Variants in WDR59 observed in about 807,000 individuals in gnomAD.
The protein encoded by WDR59 is WD repeat domain 59.
WDR59 carries 100 observed loss-of-function variants against 131.2 expected under a neutral mutation model. The observed-to-expected ratio is 0.76, with a 90% confidence interval of 0.65 to 0.90. The LOEUF (loss-of-function observed/expected upper bound fraction) is 0.90, where lower values mean the gene tolerates loss of function less well. Ranked by LOEUF, WDR59 falls within the 40% of genes least tolerant of loss-of-function variation. The pLI is 0.00. For missense variants in WDR59, 1,203 were observed against 1,262.2 expected (o/e 0.95, Z 0.71); for synonymous variants, 601 against 466.2 (o/e 1.29, Z -3.72).
chr16:74,973,581 C>A (rs1242292358), intron 1 of WDR59, among the ~76,000 whole-genome samples: 1 of 152,168 alleles, frequency 6.6e-6, no homozygotes, highest in Non-Finnish European at 1.5e-5. Flanking sequence ...AGCCACCATG[C>A]TTGGCCCAAC....
chr16:74,924,063 A>G, intron 8 of WDR59, 60 bp from the exon 9 acceptor site: 2 of 1,526,286 alleles, frequency 1.3e-6, no homozygotes, highest in Non-Finnish European at 1.8e-6. Context: ...TTCTACTGAA[A>G]TAAGCACAGC....
intron 3 of WDR59, among the ~76,000 whole-genome samples, chr16:74,952,474 AAAG>A (rs1274777508): frequency 6.0e-5 from 9 of 151,238 alleles, no homozygotes; most frequent in Non-Finnish European, 8.8e-5. Flanking sequence ...AAAGAAAAGA[AAAG>A]AAGAAAGATC....
Position 74,952,027 on chromosome 16 carries a change from C to A in WDR59, c.241-484G>T, listed in dbSNP as rs78730045. Among the ~76,000 whole-genome samples, 903 of 151,508 alleles carry A rather than the reference C, an allele frequency of 6.0e-3. 5 individuals carry two copies. Among genetic ancestry groups the A allele is most frequent in the Non-Finnish European group, 0.011 (715 of 67,890 alleles). ...CTTGAGATGGGATCTACATTGCCCA[C>A]GCTTTTCTAGAACTCCTAGGCTCAA... is the stretch of plus-strand genomic sequence containing the variant. On this transcript the variant is annotated intron_variant, in intron 3 of 25. Coordinates refer to ENST00000262144, the MANE Select transcript of WDR59 (RefSeq NM_030581.4).
At position 74,875,679 on chromosome 16, in the gene WDR59, C is replaced by G. The variant is rs1027334357; in HGVS notation, c.2690-1235G>C. ...TTCTAGCTGCAATTTGCCCTTTGGC[C>G]AACCTGAATTACATGGACTCACTTT... On this transcript the variant is annotated intron_variant, in intron 25 of 25. Coordinates refer to ENST00000262144, the MANE Select transcript of WDR59 (RefSeq NM_030581.4). 7.9e-5 allele frequency among the ~76,000 whole-genome samples: 12 copies of G among 152,294 alleles called. 1 individual carries two copies. The highest frequency in any genetic ancestry group is 1.9e-4 in the East Asian group (1 of 5,176).
chr16:74,946,338 T>C (rs1478177159), intron 6 of WDR59, among the ~76,000 whole-genome samples: 1 of 152,220 alleles, frequency 6.6e-6, no homozygotes, highest in Non-Finnish European at 1.5e-5. Context: ...GGGGGATTAC[T>C]GTATTACTAT....
At chr16:74,973,291 T>C (rs892411550) in intron 1 of WDR59, among the ~76,000 whole-genome samples, 1 of 143,486 alleles carries the variant, frequency 7.0e-6, no homozygotes, top group African/African-American at 2.5e-5. Flanking sequence ...TGGTTTGTTG[T>C]TTTGCTTTTT....
Position 74,915,931 on chromosome 16 carries a change from G to C in WDR59, c.1163C>G (p.Pro388Arg). ...GGAGAATTCCTGCTGCAAGGTCTGA[G>C]GCAGCCCCAGTTGATCTGATTTCCT... Reference protein sequence around the residue: ...EERKSDQLGLPQTLQQEFSLI... With the variant: ...EERKSDQLGLRQTLQQEFSLI... The change falls in exon 13 of 26, where the codon CCT becomes CGT. Residue 388 changes from proline to arginine, a missense_variant. Physicochemically the swap from Pro to Arg is moderately radical, Grantham distance 103. Coordinates refer to ENST00000262144, the MANE Select transcript of WDR59 (RefSeq NM_030581.4). 1 of 1,614,194 alleles carries C rather than the reference G, an allele frequency of 6.2e-7. No individual in the cohort carries two copies. The highest frequency in any genetic ancestry group is 8.5e-7 in the Non-Finnish European group (1 of 1,180,014).
At chr16:74,973,953 T>C (rs1411955271) in intron 1 of WDR59, among the ~76,000 whole-genome samples, 1 of 152,112 alleles carries the variant, frequency 6.6e-6, no homozygotes, top group Non-Finnish European at 1.5e-5. Flanking sequence ...GTGGATCACC[T>C]GAGGTCAAGA....
At chr16:74,951,575 G>C (rs879903819) in intron 3 of WDR59, 32 bp from the exon 4 acceptor site, 14 of 1,551,632 alleles carry the variant, frequency 9.0e-6, no homozygotes, top group Non-Finnish European at 1.1e-5. Flanking sequence ...CCACAGGCAA[G>C]TATGTTGGGA....
At chr16:74,925,138 G>A (rs1019870749) in intron 8 of WDR59, among the ~76,000 whole-genome samples, 7 of 152,016 alleles carry the variant, frequency 4.6e-5, no homozygotes, top group African/African-American at 1.5e-4. Flanking sequence ...ATACATAAGT[G>A]GAATACTACT....
intron 8 of WDR59, among the ~76,000 whole-genome samples, chr16:74,924,846 C>G (rs1342504880): frequency 6.6e-6 from 1 of 152,086 alleles, no homozygotes; most frequent in Admixed American, 6.6e-5. Context: ...GTCTCGAACT[C>G]CTGAGCTCAG....
At chr16:74,892,046 C>A (rs988940066) in intron 20 of WDR59, among the ~76,000 whole-genome samples, 23 of 152,152 alleles carry the variant, frequency 1.5e-4, no homozygotes, top group African/African-American at 5.3e-4. Flanking sequence ...TTATAATACA[C>A]TGATATGTTG....
At chr16:74,891,917 C>T (rs537505334) in intron 20 of WDR59, among the ~76,000 whole-genome samples, 1 of 151,860 alleles carries the variant, frequency 6.6e-6, no homozygotes. Context: ...GAGTGAAACT[C>T]CATCAAAAAA....
intron 8 of WDR59, among the ~76,000 whole-genome samples, chr16:74,929,337 A>T (rs2031173223): frequency 6.6e-6 from 1 of 152,206 alleles, no homozygotes; most frequent in Non-Finnish European, 1.5e-5. Flanking sequence ...GGCCTCCCAA[A>T]GTGCTGGGAT....
At chr16:74,956,364 T>C (rs2033288912) in intron 3 of WDR59, 111 bp downstream of exon 3, 1 of 1,386,658 alleles carries the variant, frequency 7.2e-7, no homozygotes, top group Non-Finnish European at 9.5e-7. Context: ...CCAAACCTCT[T>C]TTCCAAATGA....
At chr16:74,874,498 A>G in intron 25 of WDR59, 54 bp from the exon 26 acceptor site, 2 of 1,525,508 alleles carry the variant, frequency 1.3e-6, no homozygotes, top group Non-Finnish European at 9.0e-7. Flanking sequence ...TTAGTTCTGA[A>G]AAAGGAAACT....
intron 1 of WDR59, among the ~76,000 whole-genome samples, chr16:74,967,025 C>CT (rs2033801463): frequency 6.6e-6 from 1 of 152,184 alleles, no homozygotes; most frequent in Non-Finnish European, 1.5e-5. Context: ...ATTAAATGCT[C>CT]TAAGTTCTCT....
intron 6 of WDR59, among the ~76,000 whole-genome samples, chr16:74,944,824 C>T (rs540549921): frequency 5.3e-5 from 8 of 152,116 alleles, no homozygotes; most frequent in Non-Finnish European, 1.2e-4. Context: ...GCAATGAGAA[C>T]AGGCAGGCTA....
At chr16:74,925,709 T>C (rs919843102) in intron 8 of WDR59, among the ~76,000 whole-genome samples, 1 of 152,148 alleles carries the variant, frequency 6.6e-6, no homozygotes, top group Non-Finnish European at 1.5e-5. Flanking sequence ...TGGGCAGTTA[T>C]ATGCAACTCT....
Sources: gnomAD v4.1 joint callset for allele counts (sites outside exome capture counted in the v4.1 genomes callset) on GRCh38, gnomAD v4.1.1 for gene constraint, MANE v1.5 for transcripts, NCBI Gene and HGNC (gene_info 2026-07-23, HGNC 2026-07-21) for gene names.